Variants in MYO16 observed in about 807,000 individuals in gnomAD.
The protein encoded by MYO16 is unconventional myosin-XVI.
In MYO16, 94 loss-of-function variants were observed where a neutral mutation model predicts 205.3. The observed-to-expected ratio is 0.46, with a 90% CI of 0.39 to 0.54. The LOEUF is 0.54. Among genes scored for constraint, MYO16 ranks in the 20% least tolerant of loss-of-function variants. The pLI is 0.00. For synonymous variants in MYO16, 988 were observed against 954.0 expected, an observed-to-expected ratio of 1.04 and a Z score of -0.66; for missense variants, 2,315 against 2,387.5, an observed-to-expected ratio of 0.97 and a Z score of 0.63.
At chr13:108,589,244 C>G in the MYO16 span, among the ~76,000 whole-genome samples, 3 of 152,164 alleles carry the variant, frequency 2.0e-5, no homozygotes, top group East Asian at 5.8e-4. Context: ...ATGTTGACTT[C>G]TTTATCCTTA....
At chr13:108,768,341 T>C (rs1043194889) in intron 4 of MYO16, among the ~76,000 whole-genome samples, 8 of 152,192 alleles carry the variant, frequency 5.3e-5, no homozygotes, top group African/African-American at 1.9e-4. Flanking sequence ...GAAACTGTTA[T>C]GAGCTGTTTC....
intron 4 of MYO16, among the ~76,000 whole-genome samples, chr13:108,781,268 T>C (rs912571427): frequency 2.0e-5 from 3 of 152,220 alleles, no homozygotes; most frequent in African/African-American, 7.2e-5. Context: ...TGTTGTTAAT[T>C]GATTGTTTAG....
intron 20 of MYO16, among the ~76,000 whole-genome samples, chr13:108,973,616 A>C (rs1884137012): frequency 6.6e-6 from 1 of 152,178 alleles, no homozygotes; most frequent in African/African-American, 2.4e-5. Context: ...ATTGACAGTG[A>C]ATCACAGCTT....
intron 20 of MYO16, among the ~76,000 whole-genome samples, chr13:108,971,417 GTCTATCTATCTATCAGTCATCTC>G (rs1328418271): frequency 6.9e-4 from 100 of 145,588 alleles, no homozygotes; most frequent in Admixed American, 6.1e-3. Flanking sequence ...ATCTATATCT[GTCTATCTATCTATCAGTCATCTC>G]TCTATCTATC....
Position 109,052,342 on chromosome 13 carries a change from T to G in MYO16, c.2915T>G (p.Leu972Trp), listed in dbSNP as rs767703502. 2.5e-6 allele frequency: 4 copies of G among 1,613,316 alleles called. No homozygotes were observed. In the South Asian group the frequency reaches 3.3e-5, roughly 13 times the overall value. Residue 972 changes from leucine (L) to tryptophan (W), a missense_variant, in exon 25 of 35, where the codon TTG becomes TGG. Around this residue, in one of 3 missense-constraint regions of MYO16, gnomAD observed 1,213 missense variants for 1,274.4 expected, o/e 0.95. Coordinates refer to ENST00000457511, the MANE Select transcript of MYO16 (RefSeq NM_001198950.3). ...ATCAATCATTTGTTCCAGTCGAAAT[T>G]GTCACAAACAGGATCCCTCGTATCT... ...VVINHLFQSK[L>W]SQTGSLVSAY...
At chr13:108,836,979 G>C (rs1876956803) in intron 9 of MYO16, among the ~76,000 whole-genome samples, 1 of 152,198 alleles carries the variant, frequency 6.6e-6, no homozygotes, top group Non-Finnish European at 1.5e-5. Context: ...TGTTGAAAAG[G>C]CATGATGTTT....
chr13:109,090,883 G>A (rs990599333), intron 27 of MYO16, among the ~76,000 whole-genome samples: 10 of 151,636 alleles, frequency 6.6e-5, no homozygotes, highest in Admixed American at 1.3e-4. Context: ...TATCCTTCCC[G>A]GCTCTCCACA....
intron 20 of MYO16, among the ~76,000 whole-genome samples, chr13:108,986,574 A>T (rs911620959): frequency 2.2e-5 from 3 of 138,704 alleles, no homozygotes; most frequent in African/African-American, 5.3e-5. Flanking sequence ...GTGAGCCGAG[A>T]TGGTGCTATT....
Position 108,855,512 on chromosome 13 carries a change from C to T in MYO16, c.1318C>T (p.Leu440Phe), listed in dbSNP as rs1878122050. 1 of 1,596,814 alleles carries T rather than the reference C, an allele frequency of 6.3e-7. No homozygotes were observed. Residue 440 changes from leucine to phenylalanine, a missense_variant, in exon 11 of 35, where the codon CTC becomes TTC. By Grantham distance (22) the Leu-to-Phe change is conservative (BLOSUM62 0). Coordinates refer to ENST00000457511, the MANE Select transcript of MYO16 (RefSeq NM_001198950.3). ...TLSELNDGSL[L>F]YEIQKRFGNN... ...CAGCGAGCTCAATGATGGCAGCCTG[C>T]TCTATGAGATTCAGAAGCGCTTTGG...
At chr13:108,911,145 A>G (rs1341941382) in intron 16 of MYO16, among the ~76,000 whole-genome samples, 2 of 151,846 alleles carry the variant, frequency 1.3e-5, no homozygotes, top group African/African-American at 4.8e-5. Flanking sequence ...TGAGAGAACA[A>G]ATTGGCGGGG....
intron 9 of MYO16, among the ~76,000 whole-genome samples, chr13:108,842,301 A>C (rs899492450): frequency 5.9e-5 from 9 of 152,168 alleles, no homozygotes; most frequent in Non-Finnish European, 1.3e-4. Flanking sequence ...ATGGGAGAAA[A>C]TAATTGCAAA....
At chr13:108,540,609 T>C in the MYO16 span, among the ~76,000 whole-genome samples, 1 of 152,148 alleles carries the variant, frequency 6.6e-6, no homozygotes, top group African/African-American at 2.4e-5. Flanking sequence ...ATTAGAGATC[T>C]CTTTGCCACT....
the MYO16 span, among the ~76,000 whole-genome samples, chr13:108,557,299 T>C: frequency 2.6e-5 from 4 of 152,190 alleles, no homozygotes; most frequent in African/African-American, 9.6e-5. Context: ...CTTTTTCAAT[T>C]TCTTTTATCA....
At chr13:108,788,867 CT>C (rs2138931987) in intron 5 of MYO16, among the ~76,000 whole-genome samples, 1 of 152,252 alleles carries the variant, frequency 6.6e-6, no homozygotes, top group Non-Finnish European at 1.5e-5. Context: ...CACAGTTTTC[CT>C]TCCTCTCTTT....
intron 31 of MYO16, among the ~76,000 whole-genome samples, chr13:109,134,785 C>T (rs1415858161): frequency 6.6e-6 from 1 of 152,130 alleles, no homozygotes; most frequent in African/African-American, 2.4e-5. Flanking sequence ...CACCTCAGTC[C>T]CAAACACCAA....
chr13:109,105,173 T>A (rs1450317049), intron 28 of MYO16, among the ~76,000 whole-genome samples: 1 of 152,168 alleles, frequency 6.6e-6, no homozygotes, highest in East Asian at 1.9e-4. Flanking sequence ...TGCAAAGACA[T>A]GTAAGAATTT....
intron 19 of MYO16, 45 bp downstream of exon 19, chr13:108,962,540 A>G: frequency 1.5e-6 from 2 of 1,344,766 alleles, no homozygotes; most frequent in Non-Finnish European, 2.1e-6. Context: ...TTAGAATCAA[A>G]TATGAAAATT....
chr13:109,117,180 C>A (rs1402511559), intron 28 of MYO16, among the ~76,000 whole-genome samples: 1 of 151,966 alleles, frequency 6.6e-6, no homozygotes, highest in Non-Finnish European at 1.5e-5. Flanking sequence ...CATTTGTCAT[C>A]TTATCTCATT....
chr13:108,888,329 A>G, intron 13 of MYO16, 43 bp from the exon 14 acceptor site: 1 of 1,404,196 alleles, frequency 7.1e-7, no homozygotes, highest in Non-Finnish European at 9.8e-7. Context: ...GCTTTGAAGC[A>G]AAGTTCCTTC....
Sources: allele counts gnomAD v4.1 joint callset (sites outside exome capture counted in the v4.1 genomes callset), GRCh38; gene constraint gnomAD v4.1.1; regional missense constraint gnomAD v4.1.1; transcripts MANE v1.5; gene names NCBI Gene and HGNC (gene_info 2026-07-23, HGNC 2026-07-21).